Variants in IGF1R observed in about 807,000 individuals in gnomAD.
IGF1R encodes the protein insulin-like growth factor 1 receptor.
Under a neutral mutation model 144.6 loss-of-function variants are expected in IGF1R, and 44 were observed. That is an observed-to-expected ratio of 0.30 (90% confidence interval 0.24 to 0.39). The LOEUF is 0.39. IGF1R is among the 10% of genes least tolerant of loss of function. IGF1R has a pLI of 1.00. For synonymous variants in IGF1R, 795 were observed against 722.8 expected (o/e 1.10, Z -1.60); for missense variants, 1,355 against 1,833.7 (o/e 0.74, Z 4.77).
At chr15:98,808,434 A>G (rs1361213414) in intron 2 of IGF1R, among the ~76,000 whole-genome samples, 2 of 152,200 alleles carry the variant, frequency 1.3e-5, no homozygotes, top group Non-Finnish European at 1.5e-5. Flanking sequence ...GAACTGTGAT[A>G]TAAGAATGAT....
chr15:98,758,672 C>T (rs769764135), intron 2 of IGF1R, among the ~76,000 whole-genome samples: 2 of 152,152 alleles, frequency 1.3e-5, no homozygotes, highest in Non-Finnish European at 2.9e-5. Flanking sequence ...TTACAATGAC[C>T]ATGGAGAACT....
chr15:98,895,011 A>G (rs1265397504), intron 3 of IGF1R, among the ~76,000 whole-genome samples: 3 of 144,000 alleles, frequency 2.1e-5, no homozygotes, highest in Non-Finnish European at 4.6e-5. Flanking sequence ...ACAGAGTGAG[A>G]CCCTGTCTCA....
In IGF1R at chr15:98,962,545, C is replaced by T; in HGVS notation, c.*5103C>T. ...CTGAAGATACAGACCTTGGACAGGT[C>T]AGAGGGTTTCATTTTTGGCCTTCAT... On this transcript the variant is annotated 3_prime_UTR_variant, in exon 21 of 21. Coordinates refer to ENST00000650285, the MANE Select transcript of IGF1R (RefSeq NM_000875.5). The T allele has an allele frequency of 4.3e-6, 1 of 233,726 alleles. No individual in the cohort carries two copies. The highest frequency in any genetic ancestry group is 2.2e-5 in the African/African-American group (1 of 45,458). The allele number at this position is 233,726 out of a possible 1,614,324, so 14.5% of individuals were successfully genotyped here.
intron 1 of IGF1R, among the ~76,000 whole-genome samples, chr15:98,705,751 C>G (rs2053846543): frequency 6.6e-6 from 1 of 152,208 alleles, no homozygotes; most frequent in East Asian, 1.9e-4. Context: ...CCGTCCTGCA[C>G]TGGGCCACCA....
At chr15:98,881,128 A>G (rs2013350799) in intron 2 of IGF1R, among the ~76,000 whole-genome samples, 1 of 152,136 alleles carries the variant, frequency 6.6e-6, no homozygotes, top group Non-Finnish European at 1.5e-5. Context: ...CCTTAGCATC[A>G]CCTGGATGCC....
intron 2 of IGF1R, among the ~76,000 whole-genome samples, chr15:98,760,382 ATAAAG>A (rs1277074982): frequency 6.6e-6 from 1 of 152,090 alleles, no homozygotes; most frequent in African/African-American, 2.4e-5. Flanking sequence ...ATAGTGATAA[ATAAAG>A]TAATTACTAT....
At chr15:98,807,590 A>G (rs2056497285) in intron 2 of IGF1R, among the ~76,000 whole-genome samples, 1 of 152,208 alleles carries the variant, frequency 6.6e-6, no homozygotes, top group Non-Finnish European at 1.5e-5. Context: ...TTGTGCTGCC[A>G]TTTTTGAGAC....
At chr15:98,830,603 A>ACCTTTTTTTTTTTTTTTTTTTTTTTTT (rs949484748) in intron 2 of IGF1R, among the ~76,000 whole-genome samples, 1 of 133,722 alleles carries the variant, frequency 7.5e-6, no homozygotes, top group African/African-American at 3.3e-5. Flanking sequence ...TCTGATCATC[A>ACCTTTTTTTTTTTTTTTTTTTTTTTTT]TCTTTTTTTT....
intron 2 of IGF1R, among the ~76,000 whole-genome samples, chr15:98,882,501 G>C (rs989469059): frequency 2.0e-5 from 3 of 152,204 alleles, no homozygotes; most frequent in African/African-American, 4.8e-5. Flanking sequence ...CTAAGAATCT[G>C]TGATTGGATG....
chr15:98,755,588 A>G (rs904424179), intron 2 of IGF1R, among the ~76,000 whole-genome samples: 25 of 151,968 alleles, frequency 1.6e-4, no homozygotes, highest in African/African-American at 2.4e-5. Context: ...TAAAAATACA[A>G]AAATTAGCTG....
At chr15:98,946,270 T>C (rs2016550880) in intron 19 of IGF1R, among the ~76,000 whole-genome samples, 2 of 151,930 alleles carry the variant, frequency 1.3e-5, no homozygotes, top group Non-Finnish European at 1.5e-5. Context: ...GAGCACCTGC[T>C]GCAGGTGGGG....
chr15:98,746,641 G>C (rs1462827272), intron 2 of IGF1R, among the ~76,000 whole-genome samples: 1 of 152,206 alleles, frequency 6.6e-6, no homozygotes, highest in African/African-American at 2.4e-5. Flanking sequence ...AATATTTCCA[G>C]ACAACATGAA....
At chr15:98,652,773 G>A (rs1363976146) in intron 1 of IGF1R, among the ~76,000 whole-genome samples, 1 of 152,170 alleles carries the variant, frequency 6.6e-6, no homozygotes, top group Non-Finnish European at 1.5e-5. Context: ...GGAATGGGGA[G>A]TGACTGCTGG....
chr15:98,744,335 G>A (rs1036198891), intron 2 of IGF1R, among the ~76,000 whole-genome samples: 14 of 152,060 alleles, frequency 9.2e-5, no homozygotes, highest in Admixed American at 7.2e-4. Flanking sequence ...AAGAAGCCAA[G>A]CAGAGTGAGA....
rs145347655 is a variant in IGF1R at position 98,908,993 on chromosome 15, C to T, written c.1462+94C>T. On this transcript the variant is annotated intron_variant, in intron 6 of 20. Transcript: ENST00000650285. ...TGATGGCAGCTTTCCTCTGCGGCCC[C>T]TCCTGGTTTCACATGGGGGACCACT... The T allele has an allele frequency of 9.6e-4, 1,104 of 1,146,440 alleles. 8 individuals are homozygous for T. In the African/African-American group the frequency reaches 0.015, roughly 16 times the overall value. The allele number at this position is 1,146,440 out of a possible 1,614,324, so 71.0% of individuals were successfully genotyped here.
intron 2 of IGF1R, among the ~76,000 whole-genome samples, chr15:98,772,510 A>ATTGTTATTGTTATTG (rs3076034): frequency 7.0e-5 from 10 of 141,948 alleles, no homozygotes; most frequent in African/African-American, 2.6e-4. Context: ...TATTATTATT[A>ATTGTTATTGTTATTG]TTATTTTAAG....
At chr15:98,946,499 G>C (rs558480026) in intron 19 of IGF1R, among the ~76,000 whole-genome samples, 72 of 152,290 alleles carry the variant, frequency 4.7e-4, no homozygotes, top group African/African-American at 1.6e-3. Context: ...AGGCAAGCAG[G>C]ATCCTGCACA....
chr15:98,878,921 G>A lies in IGF1R; in HGVS notation c.641-12404G>A, dbSNP rs189568817. On this transcript the variant is annotated intron_variant, in intron 2 of 20. Coordinates refer to ENST00000650285, the MANE Select transcript of IGF1R (RefSeq NM_000875.5). ...TGAGGCAGGAGAATTGCTTGAACCC[G>A]GGAGGTGGAGGTTGCAGTGAGCCGA... 1.5e-3 allele frequency among the ~76,000 whole-genome samples: 223 copies of A among 152,182 alleles called. 4 individuals are homozygous for A. The highest frequency in any genetic ancestry group is 0.013 in the South Asian group (65 of 4,820).
intron 1 of IGF1R, among the ~76,000 whole-genome samples, chr15:98,662,552 G>C (rs1159424917): frequency 6.6e-6 from 1 of 152,044 alleles, no homozygotes; most frequent in African/African-American, 2.4e-5. Flanking sequence ...TCCATGGAAA[G>C]CATATGAAAG....
Sources: allele counts gnomAD v4.1 joint callset (sites outside exome capture counted in the v4.1 genomes callset), GRCh38; gene constraint gnomAD v4.1.1; transcripts MANE v1.5; gene names NCBI Gene and HGNC (gene_info 2026-07-23, HGNC 2026-07-21).